Variants in RAD51B observed in about 807,000 individuals in gnomAD.
RAD51B encodes DNA repair protein RAD51 homolog 2.
RAD51B carries 38 observed loss-of-function variants against 42.2 expected under a neutral mutation model. The observed-to-expected ratio is 0.90, with a 90% CI of 0.70 to 1.18. The LOEUF is 1.18. RAD51B is among the 50% of genes most tolerant of loss of function. The pLI is 0.00. For synonymous variants in RAD51B, 154 were observed against 145.2 expected (o/e 1.06, Z -0.43); for missense variants, 373 against 400.7 (o/e 0.93, Z 0.59).
intron 7 of RAD51B, among the ~76,000 whole-genome samples, chr14:68,214,812 T>G (rs960271754): frequency 6.6e-6 from 1 of 152,232 alleles, no homozygotes; most frequent in Admixed American, 6.5e-5. Flanking sequence ...GGACTCAATT[T>G]GTAAGCCTCT....
intron 9 of RAD51B, among the ~76,000 whole-genome samples, chr14:68,414,280 T>G (rs2084492981): frequency 6.6e-6 from 1 of 152,244 alleles, no homozygotes; most frequent in African/African-American, 2.4e-5. Flanking sequence ...CTTCAGTGTT[T>G]GCAAAAACTC....
rs866568452 is a variant in RAD51B, at chr14:68,465,947, A to T, written c.958-2225A>T. Among the ~76,000 whole-genome samples, 166 of 58,784 alleles carry T rather than the reference A, an allele frequency of 2.8e-3. 1 individual carries two copies. Among genetic ancestry groups the T allele is most frequent in the African/African-American group, 0.01 (149 of 14,398 alleles). 38.6% of individuals were successfully genotyped at this position (58,784 alleles called of 152,430 possible). On this transcript the variant is annotated intron_variant, in intron 9 of 10. Coordinates refer to ENST00000471583, the MANE Select transcript of RAD51B (RefSeq NM_133510.4). ...CAGAGCTAGACTCTGTCTCAAAAAAAAAAAAAATAAATAAATAAATAAATA... is the reference window on the plus strand; with the variant it reads ...CAGAGCTAGACTCTGTCTCAAAAAATAAAAAAATAAATAAATAAATAAATA...
chr14:68,395,676 G>C (rs546092312), intron 8 of RAD51B, among the ~76,000 whole-genome samples: 1 of 152,212 alleles, frequency 6.6e-6, no homozygotes, highest in South Asian at 2.1e-4. Flanking sequence ...CTTTGTCTTG[G>C]ACAGAGCCAT....
intron 8 of RAD51B, among the ~76,000 whole-genome samples, chr14:68,343,549 C>T (rs951705397): frequency 6.6e-6 from 1 of 152,184 alleles, no homozygotes; most frequent in Admixed American, 6.5e-5. Flanking sequence ...GGATAATTTG[C>T]AGCCTGGCTA....
At chr14:68,376,807 T>C (rs1401487489) in intron 8 of RAD51B, among the ~76,000 whole-genome samples, 2 of 152,186 alleles carry the variant, frequency 1.3e-5, no homozygotes, top group African/African-American at 2.4e-5. Context: ...GGTAAGAACA[T>C]GTTTTTTTGT....
chr14:67,989,841 C>A (rs933607031), intron 7 of RAD51B, among the ~76,000 whole-genome samples: 1 of 152,018 alleles, frequency 6.6e-6, no homozygotes, highest in African/African-American at 2.4e-5. Flanking sequence ...CATTTACATG[C>A]TCAACCCTGG....
At chr14:68,182,576 C>T (rs1269012905) in intron 7 of RAD51B, among the ~76,000 whole-genome samples, 3 of 151,392 alleles carry the variant, frequency 2.0e-5, no homozygotes, top group Admixed American at 6.6e-5. Context: ...CATGCATACA[C>T]GTGTGTGTGT....
chr14:68,058,711 A>G (rs1037138533), intron 7 of RAD51B, among the ~76,000 whole-genome samples: 2 of 152,222 alleles, frequency 1.3e-5, no homozygotes, highest in South Asian at 2.1e-4. Flanking sequence ...ACAATGCAGT[A>G]TGTATATCCT....
At chr14:68,629,805 C>T (rs1892182895) in intron 10 of RAD51B, among the ~76,000 whole-genome samples, 4 of 152,226 alleles carry the variant, frequency 2.6e-5, no homozygotes, top group Non-Finnish European at 5.9e-5. Flanking sequence ...TTATAATTTT[C>T]ACATTTCACA....
intron 10 of RAD51B, among the ~76,000 whole-genome samples, chr14:68,473,794 C>G (rs1882309099): frequency 6.6e-6 from 1 of 152,092 alleles, no homozygotes; most frequent in Non-Finnish European, 1.5e-5. Context: ...CTCCTTATCC[C>G]ACATTCCTCC....
At chr14:68,667,439 TTTATTGTAAATCAAATA>T (rs1893054788) in intron 11 of RAD51B, among the ~76,000 whole-genome samples, 2 of 152,234 alleles carry the variant, frequency 1.3e-5, no homozygotes, top group Non-Finnish European at 2.9e-5. Context: ...AAATGTTGAC[TTTATTGTAAATCAAATA>T]TAAAAACTAC....
intron 8 of RAD51B, among the ~76,000 whole-genome samples, chr14:68,330,082 C>T (rs7147852): frequency 0.53 from 80,649 of 151,880 alleles, 23,095 homozygotes; most frequent in South Asian, 0.65. Context: ...TGCTAGGCTA[C>T]GTTAACAAGA....
chr14:68,109,029 A>G (rs77095377), intron 7 of RAD51B, among the ~76,000 whole-genome samples: 15,239 of 151,958 alleles, frequency 0.1, 2,287 homozygotes, highest in African/African-American at 0.33. Flanking sequence ...GCAATATGAT[A>G]TATTTTCTTC....
chr14:68,045,042 C>T lies in RAD51B; in HGVS notation c.756+157838C>T, dbSNP rs112801888. Among the ~76,000 whole-genome samples the T allele has an allele frequency of 7.1e-4, 108 of 151,860 alleles. 1 individual carries two copies. Among genetic ancestry groups the T allele is most frequent in the African/African-American group, 2.6e-3 (106 of 41,460 alleles). Reference sequence around the variant, plus strand: ...ATCACCTGAGGTCAGGAGTTTGAGACCAGCCTCATCATGGAGAAACCTCGT... The same window carrying T: ...ATCACCTGAGGTCAGGAGTTTGAGATCAGCCTCATCATGGAGAAACCTCGT... On this transcript the variant is annotated intron_variant, in intron 7 of 10. Coordinates refer to ENST00000471583, the MANE Select transcript of RAD51B (RefSeq NM_133510.4).
chr14:68,474,448 ATTC>A lies in RAD51B; in HGVS notation c.1037-3196_1037-3194del, dbSNP rs532108735. 1.3e-3 allele frequency among the ~76,000 whole-genome samples: 195 copies of A among 152,340 alleles called. 1 individual carries two copies. The highest frequency in any genetic ancestry group is 4.4e-3 in the African/African-American group (184 of 41,576). ...CCCCATCTCTCTCTATCTTAAAAAA[ATTC>A]TTCATTTCCCTAAAGTTAACTATAT... On this transcript the variant is annotated intron_variant, in intron 10 of 10. Coordinates refer to ENST00000471583, the MANE Select transcript of RAD51B (RefSeq NM_133510.4).
chr14:67,908,595 G>T (rs1393730608), intron 7 of RAD51B: 2 of 151,704 alleles, frequency 1.3e-5, no homozygotes, highest in East Asian at 3.9e-4. Flanking sequence ...AGAGACATTT[G>T]TTTTTTTATT....
chr14:68,638,416 C>CT (rs1170796317), intron 10 of RAD51B, among the ~76,000 whole-genome samples: 1 of 152,090 alleles, frequency 6.6e-6, no homozygotes, highest in Non-Finnish European at 1.5e-5. Flanking sequence ...CCAAGACCCT[C>CT]TTTTTAAGAG....
chr14:68,160,533 A>C (rs764917521), intron 7 of RAD51B, among the ~76,000 whole-genome samples: 1 of 152,234 alleles, frequency 6.6e-6, no homozygotes, highest in African/African-American at 2.4e-5. Flanking sequence ...ATGAAAGACC[A>C]ATGACACTGA....
In RAD51B at chr14:68,360,489, G is replaced by A. The variant is rs189005643; in HGVS notation, c.854-50935G>A. ...GGCAGTAGTGGCAGCAGTAGTCTTC[G>A]TGTTACCAGCAGCAGCAGTAATGAC... On this transcript the variant is annotated intron_variant, in intron 8 of 10. Coordinates refer to ENST00000471583, the MANE Select transcript of RAD51B (RefSeq NM_133510.4). 2.0e-3 allele frequency among the ~76,000 whole-genome samples: 310 copies of A among 152,336 alleles called. No individual in the cohort carries two copies. The Middle Eastern group carries it at 0.024, about 12-fold the overall frequency.
Sources: allele counts gnomAD v4.1 joint callset (sites outside exome capture counted in the v4.1 genomes callset), GRCh38; gene constraint gnomAD v4.1.1; transcripts MANE v1.5; gene names NCBI Gene and HGNC (gene_info 2026-07-23, HGNC 2026-07-21).